The following VSIG1 variants were observed in gnomAD, a reference collection of about 807,000 sequenced individuals.
VSIG1 encodes the protein V-set and immunoglobulin domain containing 1.
Under a neutral mutation model 20.1 loss-of-function variants are expected in VSIG1, and 11 were observed. The ratio of observed to expected loss-of-function variants is 0.55; its 90% CI spans 0.34 to 0.91. VSIG1 has a LOEUF of 0.91. Among genes scored for constraint, VSIG1 ranks in the 40% least tolerant of loss-of-function variants. The pLI is 0.02. For missense variants in VSIG1, 283 were observed against 298.8 expected (o/e 0.95, Z 0.39); for synonymous variants, 126 against 116.7 (o/e 1.08, Z -0.52).
chrX:108,043,044 T>C (rs997756089), upstream of VSIG1, among the ~76,000 whole-genome samples: 1 of 111,223 alleles, frequency 9.0e-6, no homozygotes, highest in South Asian at 3.9e-4. Context: ...GACTCTCCCT[T>C]AGGGCAAACT....
the VSIG1 span, among the ~76,000 whole-genome samples, chrX:108,039,343 C>T: frequency 1.4e-4 from 15 of 110,126 alleles, no homozygotes; most frequent in Admixed American, 6.8e-4. Flanking sequence ...CCACCACACG[C>T]CCAGCTAATT....
At chrX:108,076,732 G>A (rs2031355430) in intron 6 of VSIG1, among the ~76,000 whole-genome samples, 1 of 111,504 alleles carries the variant, frequency 9.0e-6, no homozygotes, top group Admixed American at 9.5e-5. Flanking sequence ...ACTAGATGGA[G>A]TGAGAAATAG....
chrX:108,027,137 G>A, the VSIG1 span, among the ~76,000 whole-genome samples: 1 of 111,323 alleles, frequency 9.0e-6, no homozygotes, highest in Non-Finnish European at 1.9e-5. Flanking sequence ...GTTAAACATA[G>A]AGTTACCATA....
intron 4 of VSIG1, 92 bp from the exon 5 acceptor site, chrX:108,073,158 G>T (rs1014062332): frequency 8.7e-6 from 9 of 1,036,206 alleles, no homozygotes; most frequent in Middle Eastern, 2.6e-4. Flanking sequence ...AGGCCAATAT[G>T]GGGGAGTGGG....
chrX:108,069,786 G>C (rs1428907558), intron 3 of VSIG1, among the ~76,000 whole-genome samples: 4 of 111,949 alleles, frequency 3.6e-5, no homozygotes, highest in Non-Finnish European at 1.9e-5. Context: ...TCTAGTGAAG[G>C]AGACAGACGC....
At chrX:108,046,953 C>A (rs1045725035) in intron 1 of VSIG1, among the ~76,000 whole-genome samples, 13 of 110,425 alleles carry the variant, frequency 1.2e-4, no homozygotes, top group Non-Finnish European at 2.3e-4. Flanking sequence ...GCAGTAGTGT[C>A]AGTACAGCAA....
intron 3 of VSIG1, among the ~76,000 whole-genome samples, chrX:108,069,197 A>G (rs764184497): frequency 2.7e-5 from 3 of 111,369 alleles, no homozygotes; most frequent in South Asian, 7.7e-4. Context: ...ATCAATTTCC[A>G]TAAGAAGTTG....
intron 1 of VSIG1, among the ~76,000 whole-genome samples, chrX:108,052,000 G>A: frequency 9.0e-6 from 1 of 111,474 alleles, no homozygotes. Flanking sequence ...GGGAAATGGG[G>A]AGAAGTTGAC....
At chrX:108,075,998 T>C in intron 5 of VSIG1, 79 bp from the exon 6 acceptor site, 1 of 1,141,027 alleles carries the variant, frequency 8.8e-7, no homozygotes, top group Non-Finnish European at 1.2e-6. Flanking sequence ...ATGGCCCTGA[T>C]ATTCCCCACT....
chrX:108,047,843 T>TATATATAC (rs1555980280), intron 1 of VSIG1, among the ~76,000 whole-genome samples: 25 of 33,888 alleles, frequency 7.4e-4, no homozygotes, highest in Non-Finnish European at 1.3e-3. Flanking sequence ...CATATATATA[T>TATATATAC]ACATATATAT....
rs766456944 is a variant in VSIG1, at chrX:108,050,650, G to A, written c.49+5471G>A. Among the ~76,000 whole-genome samples the A allele has an allele frequency of 3.6e-5, 4 of 111,738 alleles. No individual in the cohort carries two copies. In the East Asian group the frequency reaches 1.1e-3, roughly 31 times the overall value. On this transcript the variant is annotated intron_variant, in intron 1 of 6. Transcript: ENST00000217957. ...CTGGATTTGGGTAGGGTGCCCTTCG[G>A]TGGGCCTCCAAATCCTATGGGGAGC...
the VSIG1 span, among the ~76,000 whole-genome samples, chrX:108,023,074 C>T: frequency 8.9e-6 from 1 of 112,142 alleles, no homozygotes; most frequent in Non-Finnish European, 1.9e-5. Context: ...GACCCAGCCT[C>T]ATGTATCCCT....
chrX:108,026,562 T>C, the VSIG1 span, among the ~76,000 whole-genome samples: 1 of 111,545 alleles, frequency 9.0e-6, no homozygotes, highest in African/African-American at 3.3e-5. Flanking sequence ...GCATATCTGC[T>C]GTCTGTGTAT....
the VSIG1 span, among the ~76,000 whole-genome samples, chrX:108,018,976 C>T: frequency 2.7e-5 from 3 of 111,565 alleles, no homozygotes; most frequent in East Asian, 5.6e-4. Flanking sequence ...TTAGTGTGTC[C>T]AGGTAAGCTA....
chrX:108,063,161 T>G (rs1314942628), intron 2 of VSIG1, among the ~76,000 whole-genome samples: 1 of 111,683 alleles, frequency 9.0e-6, no homozygotes, highest in African/African-American at 3.3e-5. Flanking sequence ...GTGAACATAC[T>G]CAGCATGGGA....
chrX:108,028,532 G>A, the VSIG1 span, among the ~76,000 whole-genome samples: 2 of 111,340 alleles, frequency 1.8e-5, no homozygotes, highest in Admixed American at 9.6e-5. Flanking sequence ...GCTGAGAGAA[G>A]TGTGAGGGGG....
chrX:108,052,284 A>G (rs980278631), intron 1 of VSIG1, among the ~76,000 whole-genome samples: 2 of 111,625 alleles, frequency 1.8e-5, no homozygotes, highest in African/African-American at 3.3e-5. Flanking sequence ...TGTTCCTGCT[A>G]TGAAAAAAAC....
intron 2 of VSIG1, among the ~76,000 whole-genome samples, chrX:108,063,918 A>G (rs774992812): frequency 6.3e-5 from 7 of 111,856 alleles, no homozygotes; most frequent in African/African-American, 2.3e-4. Flanking sequence ...GGCCCATTGT[A>G]CATCCGGGGC....
At chrX:108,040,276 C>T (rs2030458472), upstream of VSIG1, among the ~76,000 whole-genome samples, 1 of 111,678 alleles carries the variant, frequency 9.0e-6, no homozygotes, top group African/African-American at 3.3e-5. Flanking sequence ...CAAAGAGGCC[C>T]AACCACATTA....
Sources: allele counts gnomAD v4.1 joint callset (sites outside exome capture counted in the v4.1 genomes callset), GRCh38; gene constraint gnomAD v4.1.1; transcripts MANE v1.5; gene names NCBI Gene and HGNC (gene_info 2026-07-23, HGNC 2026-07-21).